The following SH3TC2 variants were observed in gnomAD, a reference collection of about 807,000 sequenced individuals.
The protein encoded by SH3TC2 is SH3 domain and tetratricopeptide repeats 2, also known as SH3 domain and tetratricopeptide repeat-containing protein 2.
In SH3TC2, 87 loss-of-function variants were observed where a neutral mutation model predicts 124.5. The ratio of observed to expected loss-of-function variants is 0.70; its 90% confidence interval spans 0.59 to 0.84. The LOEUF (loss-of-function observed/expected upper bound fraction) is 0.84. SH3TC2 is among the 40% of genes least tolerant of loss of function. The pLI, the probability that SH3TC2 is intolerant of heterozygous loss-of-function variation, is 0.00. For synonymous variants in SH3TC2, 634 were observed against 628.5 expected, an observed-to-expected ratio of 1.01 and a Z score of -0.13; for missense variants, 1,536 against 1,566.4, an observed-to-expected ratio of 0.98 and a Z score of 0.33.
chr5:149,055,426 G>A (rs1754629472), intron 1 of SH3TC2, among the ~76,000 whole-genome samples: 1 of 151,774 alleles, frequency 6.6e-6, no homozygotes, highest in South Asian at 2.1e-4. Flanking sequence ...TATGAAAATT[G>A]TTTCACCTCA....
chr5:149,039,358 G>T (rs1489245083), intron 7 of SH3TC2, among the ~76,000 whole-genome samples: 1 of 152,216 alleles, frequency 6.6e-6, no homozygotes, highest in African/African-American at 2.4e-5. Context: ...AGGATCTTAT[G>T]CATGGCAAAA....
intron 12 of SH3TC2, among the ~76,000 whole-genome samples, chr5:149,023,589 T>TTTTTTTTTTTTG (rs1754013698): frequency 6.9e-6 from 1 of 145,246 alleles, no homozygotes; most frequent in African/African-American, 2.6e-5. Flanking sequence ...AATCCTTTTT[T>TTTTTTTTTTTTG]TTTTTTTTTT....
chr5:149,035,109 C>T (rs186177272), intron 8 of SH3TC2, among the ~76,000 whole-genome samples: 175 of 152,090 alleles, frequency 1.2e-3, no homozygotes, highest in African/African-American at 3.8e-3. Context: ...ACACATCATG[C>T]AAATAAATGG....
chr5:149,021,730 T>C (rs563516208), intron 12 of SH3TC2, among the ~76,000 whole-genome samples: 1 of 151,842 alleles, frequency 6.6e-6, no homozygotes, highest in East Asian at 1.9e-4. Context: ...AAAATCTAAA[T>C]AAACCTATAA....
At chr5:149,006,809 C>T in intron 16 of SH3TC2, 72 bp downstream of exon 16, 1 of 1,477,326 alleles carries the variant, frequency 6.8e-7, no homozygotes, top group East Asian at 2.3e-5. Context: ...AAAGGCTCCT[C>T]ATTGTCTTTG....
chr5:148,993,946 T>C lies in SH3TC2; in HGVS notation c.*10765A>G, dbSNP rs1753461440. Among the ~76,000 whole-genome samples the C allele has an allele frequency of 6.6e-6, 1 of 152,156 alleles. No individual in the cohort carries two copies. Among genetic ancestry groups the C allele is most frequent in the East Asian group, 1.9e-4 (1 of 5,196 alleles). ...CAGGCACTTTACATATATTCACACA[T>C]TTGATCCACACAACAATCCCATGAG... On this transcript the variant is annotated 3_prime_UTR_variant, in exon 17 of 17. Coordinates refer to ENST00000515425, the MANE Select transcript of SH3TC2 (RefSeq NM_024577.4).
chr5:149,039,351 A>G (rs1407704398), intron 7 of SH3TC2, among the ~76,000 whole-genome samples: 1 of 152,156 alleles, frequency 6.6e-6, no homozygotes, highest in African/African-American at 2.4e-5. Context: ...TTGTCTAAGG[A>G]TCTTATGCAT....
Position 149,027,218 on chromosome 5 carries a change from G to C in SH3TC2, c.2514C>G (p.Ile838Met). 6.2e-7 allele frequency: 1 copy of C among 1,614,100 alleles called. No homozygotes were observed. The highest frequency in any genetic ancestry group is 2.2e-5 in the East Asian group (1 of 44,894). ...GGAGTGCAAGTCCCAGGAGGTTATA[G>C]ATGACTCCCCTTTGAGTGAGACTCT... is the stretch of plus-strand genomic sequence containing the variant. Reference protein sequence around the residue: ...ETESLTQRGVIYNLLGLALQG... With the variant: ...ETESLTQRGVMYNLLGLALQG... The change falls in exon 11 of 17, where the codon ATC (isoleucine) becomes ATG (methionine). Residue 838 changes from isoleucine (I) to methionine (M), a missense_variant. Physicochemically the swap from Ile to Met is conservative, Grantham distance 10 (BLOSUM62 1). Transcript: ENST00000515425.
At chr5:149,042,987 CA>C in intron 4 of SH3TC2, 150 bp from the exon 5 acceptor site, 1 of 837,418 alleles carries the variant, frequency 1.2e-6, no homozygotes, top group Non-Finnish European at 2.0e-6. Flanking sequence ...ACATAAGAGG[CA>C]AAGCCAGACA....
At chr5:149,034,191 A>C (rs1754245578) in intron 8 of SH3TC2, among the ~76,000 whole-genome samples, 1 of 152,162 alleles carries the variant, frequency 6.6e-6, no homozygotes, top group Admixed American at 6.5e-5. Flanking sequence ...TAAATCGTAG[A>C]AAATGGAAAA....
rs997002333 is a variant in SH3TC2 at position 149,000,416 on chromosome 5, C to T, written c.*4295G>A. ...TGCCAGATAAGGCCTAGGCTGGGTGCTTGCAATGAGCAACAGGACCTAGCT... is the reference window on the plus strand; with the variant it reads ...TGCCAGATAAGGCCTAGGCTGGGTGTTTGCAATGAGCAACAGGACCTAGCT... On this transcript the variant is annotated 3_prime_UTR_variant, in exon 17 of 17. Coordinates refer to ENST00000515425, the MANE Select transcript of SH3TC2 (RefSeq NM_024577.4). Among the ~76,000 whole-genome samples the T allele has an allele frequency of 1.2e-4, 19 of 152,194 alleles. No homozygotes were observed. Among genetic ancestry groups the T allele is most frequent in the African/African-American group, 4.6e-4 (19 of 41,440 alleles).
rs761751014 is a variant in SH3TC2, at chr5:149,040,590, T to C, written c.805+14A>G. 6.2e-7 allele frequency: 1 copy of C among 1,610,538 alleles called. No individual in the cohort carries two copies. Among genetic ancestry groups the C allele is most frequent in the South Asian group, 1.1e-5 (1 of 91,028 alleles). On this transcript the variant is annotated intron_variant, in intron 7 of 16. Coordinates refer to ENST00000515425, the MANE Select transcript of SH3TC2 (RefSeq NM_024577.4). ...TATCTCCCTAACAATACTATGTTTTTGACTCAGCCATACCAATCTGATAGG... is the reference window on the plus strand; with the variant it reads ...TATCTCCCTAACAATACTATGTTTTCGACTCAGCCATACCAATCTGATAGG...
At chr5:149,056,559 A>G (rs1754651693) in intron 1 of SH3TC2, among the ~76,000 whole-genome samples, 1 of 152,138 alleles carries the variant, frequency 6.6e-6, no homozygotes, top group Non-Finnish European at 1.5e-5. Context: ...TCTACCTTGA[A>G]ATATCTAGGA....
At chr5:149,060,314 G>C (rs1754724089) in intron 1 of SH3TC2, among the ~76,000 whole-genome samples, 4 of 152,210 alleles carry the variant, frequency 2.6e-5, no homozygotes, top group African/African-American at 9.7e-5. Flanking sequence ...CTCATAGATA[G>C]GGTGGGGAAG....
At chr5:149,006,848 G>A in intron 16 of SH3TC2, 33 bp downstream of exon 16, 1 of 1,601,828 alleles carries the variant, frequency 6.2e-7, no homozygotes, top group Non-Finnish European at 8.5e-7. Flanking sequence ...TTGGGTGGTG[G>A]CTGTCAGGAA....
chr5:149,062,492 T>G (rs577435207), intron 1 of SH3TC2: 1 of 462,860 alleles, frequency 2.2e-6, no homozygotes, highest in African/African-American at 2.0e-5. Flanking sequence ...ACACATGCAC[T>G]CACACACAAA....
chr5:149,046,532 T>C (rs1392053583), intron 3 of SH3TC2: 1 of 152,194 alleles, frequency 6.6e-6, no homozygotes, highest in Non-Finnish European at 1.5e-5. Context: ...TTAGATCTAA[T>C]GAAAAATGGC....
At chr5:149,034,000 C>A (rs934143828) in intron 8 of SH3TC2, among the ~76,000 whole-genome samples, 2 of 151,898 alleles carry the variant, frequency 1.3e-5, no homozygotes, top group African/African-American at 4.8e-5. Context: ...CTATTCACAA[C>A]GAGAGCCAGC....
Position 149,028,449 on chromosome 5 carries a change from T to G in SH3TC2, c.1283A>C (p.Glu428Ala). Residue 428 changes from glutamate to alanine, a missense_variant, in exon 11 of 17, where the codon GAG becomes GCG. Glu to Ala is a moderately radical substitution (Grantham distance 107). Around this residue, in one of 3 missense-constraint regions of SH3TC2, gnomAD observed 1,102 missense variants for 1,098.6 expected, o/e 1.00. Coordinates refer to ENST00000515425, the MANE Select transcript of SH3TC2 (RefSeq NM_024577.4). The part of the protein sequence containing the change: ...QSSSSEDSSL[E>A]EELLSATSDS... Reference sequence around the variant, plus strand: ...TGAGGTGGCCGAGAGGAGCTCCTCCTCCAGGCTGGAGTCCTCAGAGCTGCT... The same window carrying G: ...TGAGGTGGCCGAGAGGAGCTCCTCCGCCAGGCTGGAGTCCTCAGAGCTGCT... 1 of 1,613,044 alleles carries G rather than the reference T, an allele frequency of 6.2e-7. No individual in the cohort carries two copies. The highest frequency in any genetic ancestry group is 2.2e-5 in the East Asian group (1 of 44,854).
Sources: allele counts gnomAD v4.1 joint callset (sites outside exome capture counted in the v4.1 genomes callset), GRCh38; gene constraint gnomAD v4.1.1; regional missense constraint gnomAD v4.1.1; transcripts MANE v1.5; gene names NCBI Gene and HGNC (gene_info 2026-07-23, HGNC 2026-07-21).